KIF15: variants seen among roughly 807,000 people sequenced by gnomAD.
KIF15 encodes kinesin family member 15.
KIF15 carries 140 observed loss-of-function variants against 190.6 expected under a neutral mutation model. That is an observed-to-expected ratio of 0.73 (90% confidence interval 0.64 to 0.84). The LOEUF (loss-of-function observed/expected upper bound fraction) is 0.84, where lower values mean the gene tolerates loss of function less well. KIF15 is among the 40% of genes least tolerant of loss of function. The probability of loss-of-function intolerance (pLI) is 0.00; values close to 1 mark genes in which losing one functional copy is unlikely to be tolerated. For synonymous variants in KIF15, 528 were observed against 551.3 expected, an observed-to-expected ratio of 0.96 and a Z score of 0.59; for missense variants, 1,372 against 1,584.4, an observed-to-expected ratio of 0.87 and a Z score of 2.28.
intron 30 of KIF15, among the ~76,000 whole-genome samples, chr3:44,844,944 G>A (rs911713329): frequency 1.3e-5 from 2 of 152,154 alleles, no homozygotes; most frequent in Non-Finnish European, 2.9e-5. Flanking sequence ...CCAGGTGCCT[G>A]GTTAACTGTA....
chr3:44,853,065 A>C lies in KIF15; in HGVS notation c.*330A>C. ...TCATTTTCTTCTTAGATTATGCCAT[A>C]ATCTCCTTTGATTCTTATGGAAGTT... On this transcript the variant is annotated 3_prime_UTR_variant, in exon 35 of 35. Transcript: ENST00000326047. The C allele has an allele frequency of 5.8e-6, 1 of 173,722 alleles. No homozygotes were observed. Among genetic ancestry groups the C allele is most frequent in the Non-Finnish European group, 1.2e-5 (1 of 82,722 alleles). 10.8% of individuals were successfully genotyped at this position (173,722 alleles called of 1,614,324 possible).
At chr3:44,796,096 C>T (rs1013804131) in intron 8 of KIF15, among the ~76,000 whole-genome samples, 5 of 152,202 alleles carry the variant, frequency 3.3e-5, no homozygotes, top group Non-Finnish European at 5.9e-5. Context: ...CTCCTGACCT[C>T]AGGTGATCCA....
chr3:44,852,824 G>A lies in KIF15; in HGVS notation c.*89G>A. 9.7e-7 allele frequency: 1 copy of A among 1,031,460 alleles called. No individual in the cohort carries two copies. Among genetic ancestry groups the A allele is most frequent in the Non-Finnish European group, 1.4e-6 (1 of 699,388 alleles). The allele number at this position is 1,031,460 out of a possible 1,614,324, so 63.9% of individuals were successfully genotyped here. A position where few individuals can be genotyped will look rare whatever the true frequency, so the allele number is the denominator to read the frequency against. On this transcript the variant is annotated 3_prime_UTR_variant, in exon 35 of 35. Transcript: ENST00000326047. ...GACCTACTCCTGGCCACTTAGGAGA[G>A]CTGAATTTATGGACCTTAATTATTA...
intron 3 of KIF15, among the ~76,000 whole-genome samples, chr3:44,777,110 A>C (rs1452399203): frequency 6.7e-6 from 1 of 149,690 alleles, no homozygotes. Flanking sequence ...ATATGCCACT[A>C]TGCTTGGCTA....
At chr3:44,836,566 C>A (rs1284843088) in intron 26 of KIF15, among the ~76,000 whole-genome samples, 1 of 151,990 alleles carries the variant, frequency 6.6e-6, no homozygotes, top group Non-Finnish European at 1.5e-5. Flanking sequence ...CTTAATTTAT[C>A]CTTCAGGAGA....
In KIF15 at chr3:44,786,580, C is replaced by T. The variant is rs2125917535; in HGVS notation, c.639+6C>T. ...CAGCTGCTGAAGCCTATCAGGTACCCTGCCATGAGTACTTAATTGGTGCTT... is the reference window on the plus strand; with the variant it reads ...CAGCTGCTGAAGCCTATCAGGTACCTTGCCATGAGTACTTAATTGGTGCTT... On this transcript the variant is annotated splice_donor_region_variant and intron_variant, in intron 7 of 34. Coordinates refer to ENST00000326047, the MANE Select transcript of KIF15 (RefSeq NM_020242.3). 6.2e-7 allele frequency: 1 copy of T among 1,603,854 alleles called. No homozygotes were observed.
intron 8 of KIF15, among the ~76,000 whole-genome samples, chr3:44,794,687 C>T (rs1371594721): frequency 6.6e-6 from 1 of 152,114 alleles, no homozygotes; most frequent in Non-Finnish European, 1.5e-5. Context: ...GTTAGCCGGG[C>T]GCGGTGGCTC....
Position 44,830,909 on chromosome 3 carries a change from C to T in KIF15, c.3062C>T (p.Ser1021Phe). ...ELKDINCKYN[S>F]ALVDREESRV... ...TCTTTTCTACAGTGCAAATACAACT[C>T]TGCTTTGGTTGACAGAGAAGAGAGC... The change falls in exon 26 of 35, where the codon TCT becomes TTT. Residue 1021 changes from serine (S) to phenylalanine (F), a missense_variant. By Grantham distance (155) the Ser-to-Phe change is radical (BLOSUM62 -2). Transcript: ENST00000326047. 1 of 1,613,582 alleles carries T rather than the reference C, an allele frequency of 6.2e-7. No individual in the cohort carries two copies. Among genetic ancestry groups the T allele is most frequent in the South Asian group, 1.1e-5 (1 of 90,962 alleles).
rs892195698 is a variant in KIF15, at chr3:44,775,257, T to C, written c.66T>C (p.Asn22=). 16 of 1,611,974 alleles carry C rather than the reference T, an allele frequency of 9.9e-6. No individual in the cohort carries two copies. The highest frequency in any genetic ancestry group is 1.6e-4 in the Middle Eastern group (1 of 6,068). ...VTNGQSNQPS[N]EGDAIKVFVR... ...ACTTTCTTTTTTTTGTCTTTAGTAA[T>C]GAAGGTGATGCCATCAAAGTTTTTG... is the stretch of plus-strand genomic sequence containing the variant. The change falls in exon 3 of 35, where the codon AAT becomes AAC. Residue 22 remains asparagine (N), a synonymous_variant. Transcript: ENST00000326047.
chr3:44,819,137 CTTCT>C (rs1388408906), intron 20 of KIF15, among the ~76,000 whole-genome samples: 1 of 151,940 alleles, frequency 6.6e-6, no homozygotes, highest in African/African-American at 2.4e-5. Context: ...TCTCTCTTTT[CTTCT>C]TTATTAGTCT....
rs1475604130 is a variant in KIF15, at chr3:44,852,873, C to CT, written c.*138_*139insT. On this transcript the variant is annotated 3_prime_UTR_variant, in exon 35 of 35. Coordinates refer to ENST00000326047, the MANE Select transcript of KIF15 (RefSeq NM_020242.3). ...TAAATGTTTATAAGGTGGTGGTAAC[C>CT]ACCTCAAGTTTCTGATGAACATTCT... 4.9e-6 allele frequency: 3 copies of CT among 608,066 alleles called. No homozygotes were observed. Among genetic ancestry groups the CT allele is most frequent in the African/African-American group, 1.9e-5 (1 of 51,508 alleles). The allele number at this position is 608,066 out of a possible 1,614,324, so 37.7% of individuals were successfully genotyped here.
chr3:44,864,138 G>T, intron 6 of KIF15: 1 of 1,607,140 alleles, frequency 6.2e-7, no homozygotes, highest in Non-Finnish European at 8.5e-7. Flanking sequence ...TGTGCTTTGA[G>T]GGGGTCTGCA....
At chr3:44,817,316 A>G (rs894721877) in intron 20 of KIF15, among the ~76,000 whole-genome samples, 3 of 152,166 alleles carry the variant, frequency 2.0e-5, no homozygotes, top group Non-Finnish European at 1.5e-5. Flanking sequence ...GTCTTTGCCC[A>G]TGCGTATGTC....
At chr3:44,832,464 G>C (rs1294963132) in intron 26 of KIF15, among the ~76,000 whole-genome samples, 1 of 152,156 alleles carries the variant, frequency 6.6e-6, no homozygotes, top group Non-Finnish European at 1.5e-5. Context: ...TGTCCAGTTG[G>C]ATATGTACCA....
rs1193615143 is a variant in KIF15, at chr3:44,820,338, C to CTT, written c.2549+5273_2549+5274dup. 7.1e-5 allele frequency among the ~76,000 whole-genome samples: 10 copies of CTT among 140,598 alleles called. No homozygotes were observed. In the East Asian group the frequency reaches 9.0e-4, roughly 13 times the overall value. 92.2% of individuals were successfully genotyped at this position (140,598 alleles called of 152,430 possible). A position where few individuals can be genotyped will look rare whatever the true frequency, so the allele number is the denominator to read the frequency against. The stretch of plus-strand genomic sequence containing the variant: ...GTTGATGCAGTTTCTTTTTTTTTTC[C>CTT]TTTTTTTTTTTTAAACTTTTATTTA... On this transcript the variant is annotated intron_variant, in intron 20 of 34. Transcript: ENST00000326047.
At chr3:44,852,442 T>C in intron 34 of KIF15, 103 bp downstream of exon 34, 1 of 1,149,742 alleles carries the variant, frequency 8.7e-7, no homozygotes, top group Non-Finnish European at 1.2e-6. Flanking sequence ...AACTGCTTAC[T>C]TCAGGGAGCT....
chr3:44,838,387 A>G lies in KIF15; in HGVS notation c.3284A>G (p.Lys1095Arg), dbSNP rs778243737. 1.9e-6 allele frequency: 3 copies of G among 1,613,934 alleles called. No individual in the cohort carries two copies. Among genetic ancestry groups the G allele is most frequent in the Non-Finnish European group, 2.5e-6 (3 of 1,179,948 alleles). Residue 1095 changes from lysine to arginine, a missense_variant, in exon 27 of 35, where the codon AAG becomes AGG. Physicochemically the swap from Lys to Arg is conservative, Grantham distance 26. Transcript: ENST00000326047. ...LLQSAQEELTKKEALIQELQH... is the reference protein window; with the variant it reads ...LLQSAQEELTRKEALIQELQH... ...CAGTCTGCCCAGGAAGAACTGACCA[A>G]GAAGGAAGCCCTGATTCAGGAACTT...
chr3:44,773,553 C>T (rs2125901054), intron 1 of KIF15, among the ~76,000 whole-genome samples: 1 of 152,240 alleles, frequency 6.6e-6, no homozygotes, highest in Non-Finnish European at 1.5e-5. Flanking sequence ...AGATAGGTGC[C>T]ATTACAGTCT....
chr3:44,830,159 G>GA, intron 25 of KIF15, 84 bp downstream of exon 25: 2 of 567,200 alleles, frequency 3.5e-6, no homozygotes, highest in Non-Finnish European at 5.8e-6. Flanking sequence ...TGCTCCACCA[G>GA]AAAAAAGATT....
Sources: gnomAD v4.1 joint callset for allele counts (sites outside exome capture counted in the v4.1 genomes callset) on GRCh38, gnomAD v4.1.1 for gene constraint, MANE v1.5 for transcripts, NCBI Gene and HGNC (gene_info 2026-07-23, HGNC 2026-07-21) for gene names.